Variants in FOXN1 observed in about 807,000 individuals in gnomAD.
FOXN1 encodes forkhead box N1.
A neutral mutation model predicts 49.0 loss-of-function variants in FOXN1; 15 were observed. That is an observed-to-expected ratio of 0.31 (90% CI 0.20 to 0.47). The LOEUF is 0.47. Among genes scored for constraint, FOXN1 ranks in the 20% least tolerant of loss-of-function variants. The pLI, the probability that FOXN1 is intolerant of heterozygous loss-of-function variation, is 1.00. For missense variants in FOXN1, 800 were observed against 842.8 expected (o/e 0.95, Z 0.63); for synonymous variants, 356 against 369.0 (o/e 0.96, Z 0.40).
chr17:28,537,403 C>T lies in FOXN1; in HGVS notation c.1914C>T (p.Leu638=). ...CCCCTGCAGGCCCCTCTGTGTACCTCAGCCCCAGCTCCAAGCCCGTGGCCC... is the reference window on the plus strand; with the variant it reads ...CCCCTGCAGGCCCCTCTGTGTACCTTAGCCCCAGCTCCAAGCCCGTGGCCC... ...PTAPAGPSVY[L]SPSSKPVALA The change falls in exon 9 of 9, where the codon CTC becomes CTT. Residue 638 remains leucine, a synonymous_variant. Transcript: ENST00000579795. 4 of 1,613,122 alleles carry T rather than the reference C, an allele frequency of 2.5e-6. No individual in the cohort carries two copies. Among genetic ancestry groups the T allele is most frequent in the Non-Finnish European group, 3.4e-6 (4 of 1,179,652 alleles).
intron 6 of FOXN1, among the ~76,000 whole-genome samples, chr17:28,531,205 G>A (rs990091620): frequency 2.6e-5 from 4 of 152,322 alleles, no homozygotes; most frequent in Non-Finnish European, 4.4e-5. Context: ...TACCCCGACC[G>A]CTGGGATGCT....
At position 28,534,351 on chromosome 17, in the gene FOXN1, G is replaced by T; in HGVS notation, c.948G>T (p.Lys316Asn). The T allele has an allele frequency of 6.2e-7, 1 of 1,614,192 alleles. No homozygotes were observed. The highest frequency in any genetic ancestry group is 8.5e-7 in the Non-Finnish European group (1 of 1,180,026). Residue 316 changes from lysine to asparagine, a missense_variant, in exon 7 of 9, where the codon AAG becomes AAT. Transcript: ENST00000579795. The surrounding 1 kb of genome is among the most constrained non-coding windows in gnomAD (Gnocchi z 4.1). The part of the protein sequence containing the change: ...PYFKTAPDGW[K>N]NSVRHNLSLN... Reference sequence around the variant, plus strand: ...GGCAGACAGCACCCGATGGCTGGAAGAATTCTGTCCGGCACAACCTATCCC... The same window carrying T: ...GGCAGACAGCACCCGATGGCTGGAATAATTCTGTCCGGCACAACCTATCCC...
In FOXN1 at chr17:28,512,133, G is replaced by A. The variant is rs187434169; in HGVS notation, c.-15+5690G>A. On this transcript the variant is annotated intron_variant, in intron 1 of 8. Coordinates refer to ENST00000579795, the MANE Select transcript of FOXN1 (RefSeq NM_001369369.1). ...CCCATTTCTCCATCCCCTTCAGCCA[G>A]TGTAGCTGGAGGAAGCTTGTTGAGG... Among the ~76,000 whole-genome samples the A allele has an allele frequency of 6.8e-4, 103 of 152,338 alleles. 1 individual carries two copies. The highest frequency in any genetic ancestry group is 3.9e-3 in the Admixed American group (59 of 15,306).
At chr17:28,513,358 A>G (rs961882988) in intron 1 of FOXN1, among the ~76,000 whole-genome samples, 17 of 152,236 alleles carry the variant, frequency 1.1e-4, no homozygotes, top group African/African-American at 3.6e-4. Context: ...CATCCTTTAC[A>G]CTACAGATAC....
At chr17:28,531,489 G>A (rs2069913685) in intron 6 of FOXN1, among the ~76,000 whole-genome samples, 1 of 152,200 alleles carries the variant, frequency 6.6e-6, no homozygotes, top group Non-Finnish European at 1.5e-5. Context: ...CAGGACAGGG[G>A]CTCTTCTCCC....
Position 28,509,778 on chromosome 17 carries a change from A to G in FOXN1, c.-15+3335A>G, listed in dbSNP as rs529311539. Among the ~76,000 whole-genome samples, 7 of 152,358 alleles carry G rather than the reference A, an allele frequency of 4.6e-5. No individual in the cohort carries two copies. In the East Asian group the frequency reaches 1.3e-3, roughly 29 times the overall value. Reference sequence around the variant, plus strand: ...GGAGAGACACCCTCATAGAGCCCCAAAGCGGGGCCGGGGCAGGCTTTCTCA... The same window carrying G: ...GGAGAGACACCCTCATAGAGCCCCAGAGCGGGGCCGGGGCAGGCTTTCTCA... On this transcript the variant is annotated intron_variant, in intron 1 of 8. Coordinates refer to ENST00000579795, the MANE Select transcript of FOXN1 (RefSeq NM_001369369.1).
At chr17:28,516,058 T>C (rs1013916730) in intron 1 of FOXN1, among the ~76,000 whole-genome samples, 6 of 150,900 alleles carry the variant, frequency 4.0e-5, no homozygotes, top group Non-Finnish European at 5.9e-5. Flanking sequence ...CTCCACAGGA[T>C]ACACACCTCC....
chr17:28,523,334 C>A (rs1243126474), intron 1 of FOXN1, among the ~76,000 whole-genome samples: 1 of 152,204 alleles, frequency 6.6e-6, no homozygotes, highest in Non-Finnish European at 1.5e-5. Flanking sequence ...ACAGGGCCTC[C>A]AGGCAACCGG....
intron 1 of FOXN1, among the ~76,000 whole-genome samples, chr17:28,510,578 ACG>A (rs201769311): frequency 8.7e-6 from 1 of 115,012 alleles, no homozygotes. Flanking sequence ...ACGCACACAC[ACG>A]CACACACACA....
At chr17:28,510,648 T>C (rs1452574103) in intron 1 of FOXN1, among the ~76,000 whole-genome samples, 1 of 151,764 alleles carries the variant, frequency 6.6e-6, no homozygotes, top group Non-Finnish European at 1.5e-5. Context: ...TATCAGACTC[T>C]GCACTTAGCA....
chr17:28,537,716 C>G lies in FOXN1; in HGVS notation c.*280C>G, dbSNP rs532847274. 70 of 561,248 alleles carry G rather than the reference C, an allele frequency of 1.2e-4. No individual in the cohort carries two copies. In the East Asian group the frequency reaches 2.1e-3, roughly 17 times the overall value. 34.8% of individuals were successfully genotyped at this position (561,248 alleles called of 1,614,324 possible). A position where few individuals can be genotyped will look rare whatever the true frequency, so the allele number is the denominator to read the frequency against. On this transcript the variant is annotated 3_prime_UTR_variant, in exon 9 of 9. Coordinates refer to ENST00000579795, the MANE Select transcript of FOXN1 (RefSeq NM_001369369.1). ...GAAAATGCCCTGTCCCTAGCTCACA[C>G]TCATCCACACTTAAGCCCTCGTGCA...
At chr17:28,513,673 G>A (rs915168991) in intron 1 of FOXN1, among the ~76,000 whole-genome samples, 3 of 152,246 alleles carry the variant, frequency 2.0e-5, no homozygotes, top group African/African-American at 7.2e-5. Context: ...CGGGCAGGGG[G>A]CCGGTCCAGG....
rs779266385 is a variant in FOXN1, at chr17:28,537,242, C to T, written c.1753C>T (p.Pro585Ser). The part of the protein sequence containing the change: ...QPPPHCFPPG[P>S]CLTETGSGAG... ...ACCACCTCACTGCTTCCCCCCTGGG[C>T]CCTGTCTGACAGAGACAGGCAGTGG... Residue 585 changes from proline (P) to serine (S), a missense_variant, in exon 9 of 9, where the codon CCC becomes TCC. By Grantham distance (74) the Pro-to-Ser change is moderately conservative (BLOSUM62 -1). Coordinates refer to ENST00000579795, the MANE Select transcript of FOXN1 (RefSeq NM_001369369.1). 38 of 1,613,840 alleles carry T rather than the reference C, an allele frequency of 2.4e-5. No homozygotes were observed. Among genetic ancestry groups the T allele is most frequent in the Non-Finnish European group, 3.0e-5 (35 of 1,179,872 alleles).
intron 1 of FOXN1, among the ~76,000 whole-genome samples, chr17:28,517,540 G>C (rs1365080941): frequency 6.9e-6 from 1 of 145,842 alleles, no homozygotes; most frequent in Non-Finnish European, 1.5e-5. Flanking sequence ...CCTCCACAGG[G>C]TACATGCCTG....
At chr17:28,515,864 G>C (rs1036570380) in intron 1 of FOXN1, among the ~76,000 whole-genome samples, 7 of 151,158 alleles carry the variant, frequency 4.6e-5, no homozygotes, top group African/African-American at 1.7e-4. Context: ...ACCTCCACAG[G>C]GTACACACTT....
intron 1 of FOXN1, among the ~76,000 whole-genome samples, chr17:28,513,006 G>T (rs970409628): frequency 6.6e-6 from 1 of 152,158 alleles, no homozygotes; most frequent in African/African-American, 2.4e-5. Context: ...AAGCTTTGAG[G>T]GGTAGCATTT....
chr17:28,512,525 G>A (rs138831401), intron 1 of FOXN1, among the ~76,000 whole-genome samples: 2 of 152,344 alleles, frequency 1.3e-5, no homozygotes, highest in Non-Finnish European at 2.9e-5. Flanking sequence ...TGCACTTTTA[G>A]TCTCATATAC....
In FOXN1 at chr17:28,530,641, C is replaced by T. The variant is rs2069888449; in HGVS notation, c.831-108C>T. 4 of 746,464 alleles carry T rather than the reference C, an allele frequency of 5.4e-6. No homozygotes were observed. In the Admixed American group the frequency reaches 7.4e-5, roughly 14 times the overall value. 46.2% of individuals were successfully genotyped at this position (746,464 alleles called of 1,614,324 possible). On this transcript the variant is annotated intron_variant, in intron 5 of 8. Coordinates refer to ENST00000579795, the MANE Select transcript of FOXN1 (RefSeq NM_001369369.1). ...TCAATGGACACCTTCTCATTCCCTTCTCTTTCACCTCCAATCCCATAGAGC... is the reference window on the plus strand; with the variant it reads ...TCAATGGACACCTTCTCATTCCCTTTTCTTTCACCTCCAATCCCATAGAGC...
chr17:28,516,349 C>T (rs906123435), intron 1 of FOXN1, among the ~76,000 whole-genome samples: 5 of 151,830 alleles, frequency 3.3e-5, no homozygotes, highest in African/African-American at 1.2e-4. Context: ...CCACAGGTTA[C>T]ACACCTCCAC....
Sources: allele counts gnomAD v4.1 joint callset (sites outside exome capture counted in the v4.1 genomes callset), GRCh38; gene constraint gnomAD v4.1.1; non-coding constraint Gnocchi (gnomAD v3.1); transcripts MANE v1.5; gene names NCBI Gene and HGNC (gene_info 2026-07-23, HGNC 2026-07-21).